Variants in KCNK5 observed in about 807,000 individuals in gnomAD.
The protein encoded by KCNK5 is potassium channel subfamily K member 5.
KCNK5 carries 18 observed loss-of-function variants against 32.9 expected under a neutral mutation model. That is an observed-to-expected ratio of 0.55 (90% CI 0.38 to 0.81). The LOEUF (loss-of-function observed/expected upper bound fraction) is 0.81. KCNK5 is among the 30% of genes least tolerant of loss of function. The pLI is 0.00. For synonymous variants in KCNK5, 276 were observed against 275.3 expected (o/e 1.00, Z -0.03); for missense variants, 507 against 651.0 (o/e 0.78, Z 2.41).
chr6:39,197,836 A>C (rs1771055138), intron 1 of KCNK5, among the ~76,000 whole-genome samples: 1 of 152,246 alleles, frequency 6.6e-6, no homozygotes, highest in African/African-American at 2.4e-5. Flanking sequence ...TGAAATGATA[A>C]TTGAATCACT....
At chr6:39,208,106 A>T (rs1771261314) in intron 1 of KCNK5, among the ~76,000 whole-genome samples, 1 of 152,144 alleles carries the variant, frequency 6.6e-6, no homozygotes, top group Admixed American at 6.5e-5. Flanking sequence ...AGCTTAGGGT[A>T]ATAAGTAACT....
chr6:39,215,818 C>T (rs1453358962), intron 1 of KCNK5, among the ~76,000 whole-genome samples: 1 of 152,300 alleles, frequency 6.6e-6, no homozygotes, highest in Non-Finnish European at 1.5e-5. Context: ...GTTTTAGTCT[C>T]AGGGTCCCCT....
At position 39,229,217 on chromosome 6, in the gene KCNK5, G is replaced by T. The variant is rs1284997787; in HGVS notation, c.-106C>A. 2 of 1,162,700 alleles carry T rather than the reference G, an allele frequency of 1.7e-6. No individual in the cohort carries two copies. Among genetic ancestry groups the T allele is most frequent in the Non-Finnish European group, 2.4e-6 (2 of 822,848 alleles). The allele number at this position is 1,162,700 out of a possible 1,614,324, so 72.0% of individuals were successfully genotyped here. ...AACAGCTGTTTGAATTTGGAGCTCC[G>T]CATGCGCAGTGCCCGGTACTCACCC... On this transcript the variant is annotated 5_prime_UTR_variant, in exon 1 of 5. Coordinates refer to ENST00000359534, the MANE Select transcript of KCNK5 (RefSeq NM_003740.4).
chr6:39,194,404 A>G lies in KCNK5; in HGVS notation c.466-67T>C. On this transcript the variant is annotated intron_variant, in intron 3 of 4. Transcript: ENST00000359534. The surrounding 1 kb of genome is among the most constrained non-coding windows in gnomAD (Gnocchi z 4.7). ...TTGGAAACCCAGCAAAGGCACCCAGAGGGCCAGGGAGGCAGCTAGAGGAGA... is the reference window on the plus strand; with the variant it reads ...TTGGAAACCCAGCAAAGGCACCCAGGGGGCCAGGGAGGCAGCTAGAGGAGA... 1 of 1,526,918 alleles carries G rather than the reference A, an allele frequency of 6.5e-7. No homozygotes were observed. Among genetic ancestry groups the G allele is most frequent in the Non-Finnish European group, 8.8e-7 (1 of 1,130,230 alleles). 94.6% of individuals were successfully genotyped at this position (1,526,918 alleles called of 1,614,324 possible). A position where few individuals can be genotyped will look rare whatever the true frequency, so the allele number is the denominator to read the frequency against.
chr6:39,216,465 A>C (rs568959592), intron 1 of KCNK5, among the ~76,000 whole-genome samples: 1 of 152,272 alleles, frequency 6.6e-6, no homozygotes, highest in East Asian at 1.9e-4. Flanking sequence ...GTGTGTGTGG[A>C]AAACCCAGTC....
At chr6:39,225,532 CTG>C (rs1771658270) in intron 1 of KCNK5, among the ~76,000 whole-genome samples, 1 of 152,214 alleles carries the variant, frequency 6.6e-6, no homozygotes, top group African/African-American at 2.4e-5. Context: ...CACACCCCCA[CTG>C]TTTTTGGTGG....
intron 1 of KCNK5, among the ~76,000 whole-genome samples, chr6:39,211,593 C>T (rs1342581754): frequency 6.6e-6 from 1 of 152,170 alleles, no homozygotes; most frequent in Non-Finnish European, 1.5e-5. Flanking sequence ...TTGCGCAGTC[C>T]CCACTGGCTA....
Position 39,194,547 on chromosome 6 carries a change from G to C in KCNK5, c.465+47C>G, listed in dbSNP as rs781688507. The C allele has an allele frequency of 1.1e-5, 18 of 1,602,056 alleles. No individual in the cohort carries two copies. The highest frequency in any genetic ancestry group is 2.2e-5 in the East Asian group (1 of 44,782). On this transcript the variant is annotated intron_variant, in intron 3 of 4. Coordinates refer to ENST00000359534, the MANE Select transcript of KCNK5 (RefSeq NM_003740.4). The surrounding 1 kb of genome is among the most constrained non-coding windows in gnomAD (Gnocchi z 4.7). ...GAGGCCTCCTGTCCTCCCCTCACCT[G>C]TCATGGTTCCCCCATCTCTGCCCAA...
chr6:39,195,779 C>A (rs1333994571), intron 2 of KCNK5, 97 bp downstream of exon 2: 7 of 752,678 alleles, frequency 9.3e-6, no homozygotes, highest in South Asian at 1.9e-5. Context: ...TCTGATTGTA[C>A]CCCCAACAGG....
chr6:39,225,713 G>C (rs1348642049), intron 1 of KCNK5, among the ~76,000 whole-genome samples: 1 of 152,216 alleles, frequency 6.6e-6, no homozygotes, highest in African/African-American at 2.4e-5. Flanking sequence ...TCAGGGTCCA[G>C]CTGAACCAAT....
chr6:39,197,211 A>AT (rs1771046409), intron 1 of KCNK5, among the ~76,000 whole-genome samples: 1 of 152,190 alleles, frequency 6.6e-6, no homozygotes, highest in Non-Finnish European at 1.5e-5. Flanking sequence ...GGAGACAAAA[A>AT]AAACCTTGTT....
At position 39,191,049 on chromosome 6, in the gene KCNK5, C is replaced by T; in HGVS notation, c.1341G>A (p.Glu447=). The change falls in exon 5 of 5, where the codon GAG becomes GAA. Residue 447 remains glutamate (E), a synonymous_variant. Transcript: ENST00000359534. This position sits in a 1 kb window ranked among gnomAD's most constrained non-coding sequence, Gnocchi z 5.8. ...TGGCTTCAGCCCCCTGCTGGGGGCT[C>T]TCCTCCCCTGCCAAGTTGTCCTCTA... ...SSLEDNLAGE[E]SPQQGAEAKA... is the part of the protein sequence containing the mutation. 1.9e-6 allele frequency: 3 copies of T among 1,611,936 alleles called. No individual in the cohort carries two copies. Among genetic ancestry groups the T allele is most frequent in the Non-Finnish European group, 2.5e-6 (3 of 1,178,978 alleles).
chr6:39,223,402 C>T (rs1771595179), intron 1 of KCNK5, among the ~76,000 whole-genome samples: 1 of 152,218 alleles, frequency 6.6e-6, no homozygotes, highest in Admixed American at 6.5e-5. Context: ...ACTGAACAGG[C>T]AAGGGTTCCT....
intron 1 of KCNK5, among the ~76,000 whole-genome samples, chr6:39,226,391 G>C (rs1771671060): frequency 6.6e-6 from 1 of 152,188 alleles, no homozygotes; most frequent in Non-Finnish European, 1.5e-5. Context: ...GGAAGTATCT[G>C]ACAATTCGGG....
chr6:39,191,079 G>A lies in KCNK5; in HGVS notation c.1311C>T (p.Ser437=). The change falls in exon 5 of 5, where the codon TCC becomes TCT. Residue 437 remains serine, a synonymous_variant. Transcript: ENST00000359534. The surrounding 1 kb of genome is among the most constrained non-coding windows in gnomAD (Gnocchi z 5.8). ...AGLSDEETSK[S]SLEDNLAGEE... is the part of the protein sequence containing the mutation. ...CCCCTGCCAAGTTGTCCTCTAGCGAGGACTTGGAGGTCTCCTCGTCTGAGA... is the reference window on the plus strand; with the variant it reads ...CCCCTGCCAAGTTGTCCTCTAGCGAAGACTTGGAGGTCTCCTCGTCTGAGA... 1 of 1,614,022 alleles carries A rather than the reference G, an allele frequency of 6.2e-7. No individual in the cohort carries two copies. Among genetic ancestry groups the A allele is most frequent in the Non-Finnish European group, 8.5e-7 (1 of 1,179,986 alleles).
Position 39,194,022 on chromosome 6 carries a change from T to G in KCNK5, c.634+147A>C. The G allele has an allele frequency of 1.2e-6, 1 of 824,896 alleles. No homozygotes were observed. Among genetic ancestry groups the G allele is most frequent in the East Asian group, 2.6e-5 (1 of 37,988 alleles). The allele number at this position is 824,896 out of a possible 1,614,324, so 51.1% of individuals were successfully genotyped here. A position where few individuals can be genotyped will look rare whatever the true frequency, so the allele number is the denominator to read the frequency against. ...ATTACTCTGGGTCTTAGTTTCCTCTTGCAAATGGCAGAGTGGGTTGAGAAT... is the reference window on the plus strand; with the variant it reads ...ATTACTCTGGGTCTTAGTTTCCTCTGGCAAATGGCAGAGTGGGTTGAGAAT... On this transcript the variant is annotated intron_variant, in intron 4 of 4. Transcript: ENST00000359534. This position sits in a 1 kb window ranked among gnomAD's most constrained non-coding sequence, Gnocchi z 4.7.
chr6:39,192,590 T>C (rs1770961247), intron 4 of KCNK5, among the ~76,000 whole-genome samples: 1 of 152,172 alleles, frequency 6.6e-6, no homozygotes, highest in Admixed American at 6.5e-5. Flanking sequence ...GCACCCACCG[T>C]GGCAAGAAAC....
chr6:39,203,295 G>A (rs1342383092), intron 1 of KCNK5, among the ~76,000 whole-genome samples: 1 of 152,252 alleles, frequency 6.6e-6, no homozygotes, highest in African/African-American at 2.4e-5. Context: ...CCACATGGAG[G>A]AAGGGACTGT....
intron 1 of KCNK5, among the ~76,000 whole-genome samples, chr6:39,207,106 C>T (rs184022924): frequency 9.9e-5 from 15 of 152,198 alleles, no homozygotes; most frequent in Non-Finnish European, 1.9e-4. Flanking sequence ...AGTTCACCCC[C>T]CTGTGCCTTT....
Sources: allele counts gnomAD v4.1 joint callset (sites outside exome capture counted in the v4.1 genomes callset), GRCh38; gene constraint gnomAD v4.1.1; non-coding constraint Gnocchi (gnomAD v3.1); transcripts MANE v1.5; gene names NCBI Gene and HGNC (gene_info 2026-07-23, HGNC 2026-07-21).